Variants in BICD1 observed in about 807,000 individuals in gnomAD.
BICD1 encodes protein bicaudal D homolog 1.
Under a neutral mutation model 92.5 loss-of-function variants are expected in BICD1, and 35 were observed. The ratio of observed to expected loss-of-function variants is 0.38; its 90% CI spans 0.29 to 0.50. The LOEUF (loss-of-function observed/expected upper bound fraction) is 0.50, where lower values mean the gene tolerates loss of function less well. BICD1 is among the 20% of genes least tolerant of loss of function. The probability of loss-of-function intolerance (pLI) is 0.93; values close to 1 mark genes in which losing one functional copy is unlikely to be tolerated. For synonymous variants in BICD1, 429 were observed against 465.1 expected, an observed-to-expected ratio of 0.92 and a Z score of 1.00; for missense variants, 950 against 1,189.8, an observed-to-expected ratio of 0.80 and a Z score of 2.97.
chr12:32,365,568 T>C (rs1939498225), intron 8 of BICD1, among the ~76,000 whole-genome samples: 5 of 152,236 alleles, frequency 3.3e-5, no homozygotes, highest in Admixed American at 3.3e-4. Context: ...AAGAGTTTCA[T>C]TATACCTCCC....
chr12:32,312,462 C>G (rs1320511531), intron 4 of BICD1, among the ~76,000 whole-genome samples: 1 of 152,094 alleles, frequency 6.6e-6, no homozygotes, highest in African/African-American at 2.4e-5. Flanking sequence ...TTATTATTGT[C>G]CTGGAAACTG....
chr12:32,204,550 T>C (rs1195345012), intron 1 of BICD1, among the ~76,000 whole-genome samples: 14 of 152,090 alleles, frequency 9.2e-5, no homozygotes. Flanking sequence ...CTGGTGGCAG[T>C]TGAATTAGTA....
intron 4 of BICD1, among the ~76,000 whole-genome samples, chr12:32,311,476 G>A (rs1948376344): frequency 1.3e-5 from 2 of 152,138 alleles, no homozygotes; most frequent in Non-Finnish European, 2.9e-5. Context: ...TCCAGCCTGC[G>A]ACAGATCAAG....
Position 32,327,572 on chromosome 12 carries a change from G to A in BICD1, c.1117G>A (p.Glu373Lys), listed in dbSNP as rs1948816209. ...EQHERVHRLT[E>K]HVNAMRGLQS... ...GCATGAGCGGGTGCACCGGCTCACAGAGCACGTCAATGCCATGAGGGGCCT... is the reference window on the plus strand; with the variant it reads ...GCATGAGCGGGTGCACCGGCTCACAAAGCACGTCAATGCCATGAGGGGCCT... Residue 373 changes from glutamate (E) to lysine (K), a missense_variant, in exon 5 of 10, where the codon GAG becomes AAG. Glu to Lys is a moderately conservative substitution (Grantham distance 56, BLOSUM62 1). Transcript: ENST00000652176. 6.2e-7 allele frequency: 1 copy of A among 1,614,152 alleles called. No individual in the cohort carries two copies. Among genetic ancestry groups the A allele is most frequent in the Non-Finnish European group, 8.5e-7 (1 of 1,180,030 alleles).
chr12:32,258,153 G>T (rs1440617557), intron 2 of BICD1, among the ~76,000 whole-genome samples: 1 of 152,056 alleles, frequency 6.6e-6, no homozygotes, highest in Non-Finnish European at 1.5e-5. Flanking sequence ...ATATGTGAGG[G>T]TTTGCTTACT....
chr12:32,348,719 C>CACAA (rs890450555), intron 8 of BICD1, among the ~76,000 whole-genome samples: 1 of 69,756 alleles, frequency 1.4e-5, no homozygotes, highest in Admixed American at 1.5e-4. Flanking sequence ...CTAGCTCACA[C>CACAA]AAAAATATAT....
chr12:32,330,707 G>C (rs1937819929), intron 5 of BICD1, among the ~76,000 whole-genome samples: 1 of 152,038 alleles, frequency 6.6e-6, no homozygotes, highest in Non-Finnish European at 1.5e-5. Context: ...ATAATTTAAA[G>C]ACCCAATGAT....
intron 2 of BICD1, among the ~76,000 whole-genome samples, chr12:32,233,893 C>A (rs1297258583): frequency 6.6e-6 from 1 of 152,136 alleles, no homozygotes; most frequent in Non-Finnish European, 1.5e-5. Context: ...GCATTTAATT[C>A]TCCTAAGGGA....
intron 8 of BICD1, 69 bp from the exon 9 acceptor site, chr12:32,367,601 A>AGT (rs1262979985): frequency 7.1e-7 from 1 of 1,413,262 alleles, no homozygotes. Flanking sequence ...CAGCTGCTTT[A>AGT]GTCACTGTTA....
At chr12:32,112,986 T>TA (rs1941754153) in intron 1 of BICD1, among the ~76,000 whole-genome samples, 2 of 152,132 alleles carry the variant, frequency 1.3e-5, no homozygotes, top group African/African-American at 4.8e-5. Context: ...AACTGGGTCT[T>TA]AGAGAGGTTT....
chr12:32,236,180 G>A (rs1254820134), intron 2 of BICD1, among the ~76,000 whole-genome samples: 1 of 151,222 alleles, frequency 6.6e-6, no homozygotes, highest in African/African-American at 2.4e-5. Flanking sequence ...AGATCGTGAG[G>A]TCAGGAATTC....
At chr12:32,297,595 T>C (rs990841421) in intron 3 of BICD1, among the ~76,000 whole-genome samples, 7 of 152,206 alleles carry the variant, frequency 4.6e-5, no homozygotes, top group African/African-American at 1.2e-4. Flanking sequence ...AATTGGACTG[T>C]GTTACTTTGT....
chr12:32,248,389 G>T (rs1361133215), intron 2 of BICD1, among the ~76,000 whole-genome samples: 1 of 152,136 alleles, frequency 6.6e-6, no homozygotes, highest in Non-Finnish European at 1.5e-5. Flanking sequence ...GCAGCAGAGG[G>T]ATGGGGTACC....
At chr12:32,108,619 CTA>C (rs1941580894) in intron 1 of BICD1, 2 of 679,352 alleles carry the variant, frequency 2.9e-6, no homozygotes, top group African/African-American at 1.8e-5. Flanking sequence ...TATCAAAAAT[CTA>C]TTATTTATTT....
At chr12:32,276,967 A>AT (rs36046201) in intron 2 of BICD1, among the ~76,000 whole-genome samples, 65,824 of 151,912 alleles carry the variant, frequency 0.43, 14,855 homozygotes, top group South Asian at 0.53. Context: ...ATTCTTTCTC[A>AT]TTTTTTCTGA....
rs11051931 is a variant in BICD1, at chr12:32,320,412, C to T, written c.1006-7049C>T. Reference sequence around the variant, plus strand: ...ATCCCAACACTTTGGGAGGCCGAGGCGGGCAGATCACATGAGGTCAGGAGT... The same window carrying T: ...ATCCCAACACTTTGGGAGGCCGAGGTGGGCAGATCACATGAGGTCAGGAGT... On this transcript the variant is annotated intron_variant, in intron 4 of 9. Transcript: ENST00000652176. Among the ~76,000 whole-genome samples, 2,064 of 152,126 alleles carry T rather than the reference C, an allele frequency of 0.014. 97 individuals are homozygous for T. The East Asian group carries it at 0.18, about 13-fold the overall frequency.
At chr12:32,282,560 C>T (rs138071960) in intron 2 of BICD1, among the ~76,000 whole-genome samples, 6 of 151,986 alleles carry the variant, frequency 3.9e-5, no homozygotes, top group African/African-American at 7.3e-5. Flanking sequence ...TTTTGTTAAC[C>T]CTGACGTGGA....
intron 1 of BICD1, among the ~76,000 whole-genome samples, chr12:32,198,967 A>G (rs899301529): frequency 1.3e-5 from 2 of 151,798 alleles, no homozygotes; most frequent in Non-Finnish European, 2.9e-5. Context: ...TTAATATTCC[A>G]TTTTCCTCTG....
chr12:32,312,530 T>C (rs1212323223), intron 4 of BICD1, among the ~76,000 whole-genome samples: 1 of 152,166 alleles, frequency 6.6e-6, no homozygotes, highest in Non-Finnish European at 1.5e-5. Context: ...AAACGGTCAA[T>C]ACATAAATTA....
Sources: gnomAD v4.1 joint callset for allele counts (sites outside exome capture counted in the v4.1 genomes callset) on GRCh38, gnomAD v4.1.1 for gene constraint, MANE v1.5 for transcripts, NCBI Gene and HGNC (gene_info 2026-07-23, HGNC 2026-07-21) for gene names.